Variants in USP48 observed in about 807,000 individuals in gnomAD.
The protein encoded by USP48 is ubiquitin specific peptidase 48.
A neutral mutation model predicts 150.7 loss-of-function variants in USP48; 43 were observed. The observed-to-expected ratio is 0.29, with a 90% CI of 0.22 to 0.37. The LOEUF is 0.37. Ranked by LOEUF, USP48 falls within the 10% of genes least tolerant of loss-of-function variation. The pLI, the probability that USP48 is intolerant of heterozygous loss-of-function variation, is 1.00. For missense variants in USP48, 813 were observed against 1,249.6 expected (o/e 0.65, Z 5.27); for synonymous variants, 396 against 425.9 (o/e 0.93, Z 0.86).
At chr1:21,772,518 G>A (rs2097884180) in intron 1 of USP48, among the ~76,000 whole-genome samples, 1 of 151,938 alleles carries the variant, frequency 6.6e-6, no homozygotes, top group Non-Finnish European at 1.5e-5. Context: ...AGCTACTTGG[G>A]AGGCTGAGGC....
intron 26 of USP48, 94 bp from the exon 27 acceptor site, chr1:21,679,533 C>T: frequency 2.7e-6 from 4 of 1,492,618 alleles, no homozygotes; most frequent in Admixed American, 1.7e-5. Flanking sequence ...CAACAGGGAG[C>T]ATCAAATTTA....
rs1421050691 is a variant in USP48 at position 21,723,871 on chromosome 1, T to C, written c.1648+27A>G. On this transcript the variant is annotated intron_variant, in intron 12 of 26. Coordinates refer to ENST00000308271, the MANE Select transcript of USP48 (RefSeq NM_032236.8). ...TGAAGATTTAATGAGCTGCTCTTTTTTAAACAGAGAGGACATCTTGAATTA... is the reference window on the plus strand; with the variant it reads ...TGAAGATTTAATGAGCTGCTCTTTTCTAAACAGAGAGGACATCTTGAATTA... 10 of 1,595,678 alleles carry C rather than the reference T, an allele frequency of 6.3e-6. No individual in the cohort carries two copies. The African/African-American group carries it at 1.2e-4, about 19-fold the overall frequency.
intron 6 of USP48, 121 bp from the exon 7 acceptor site, chr1:21,748,392 AC>A: frequency 1.1e-6 from 1 of 893,840 alleles, no homozygotes; most frequent in Non-Finnish European, 1.6e-6. Context: ...CTACTTAAAA[AC>A]AGCTACTATA....
At chr1:21,746,717 G>A (rs184973143) in intron 8 of USP48, among the ~76,000 whole-genome samples, 103 of 152,258 alleles carry the variant, frequency 6.8e-4, no homozygotes, top group African/African-American at 2.3e-3. Context: ...GAATAGAGGC[G>A]CTTGGAGACT....
intron 12 of USP48, among the ~76,000 whole-genome samples, chr1:21,722,078 T>TG (rs1474014031): frequency 6.6e-6 from 1 of 151,340 alleles, no homozygotes; most frequent in African/African-American, 2.4e-5. Context: ...GGTTCTAAGG[T>TG]GGGGGGGTTA....
Position 21,679,312 on chromosome 1 carries a change from C to T in USP48, c.*105G>A. ...ATGGATTTCTGCCTTTTGGAAGGGG[C>T]ATGTAATGGTTTAATTCTTAAATCC... is the stretch of plus-strand genomic sequence containing the variant. On this transcript the variant is annotated 3_prime_UTR_variant, in exon 27 of 27. Coordinates refer to ENST00000308271, the MANE Select transcript of USP48 (RefSeq NM_032236.8). 2 of 1,401,212 alleles carry T rather than the reference C, an allele frequency of 1.4e-6. No homozygotes were observed. The highest frequency in any genetic ancestry group is 2.3e-5 in the South Asian group (2 of 86,508). 86.8% of individuals were successfully genotyped at this position (1,401,212 alleles called of 1,614,324 possible). A position where few individuals can be genotyped will look rare whatever the true frequency, so the allele number is the denominator to read the frequency against.
At chr1:21,766,296 G>A (rs543293298) in intron 1 of USP48, among the ~76,000 whole-genome samples, 51 of 152,098 alleles carry the variant, frequency 3.4e-4, no homozygotes, top group African/African-American at 1.2e-3. Context: ...ACTTGAACCC[G>A]GGAGGCGGAG....
chr1:21,744,376 G>A (rs2097789079), intron 8 of USP48, among the ~76,000 whole-genome samples: 2 of 151,976 alleles, frequency 1.3e-5, no homozygotes, highest in Admixed American at 1.3e-4. Flanking sequence ...GAACCCAGGA[G>A]GTGGAGGCTG....
At chr1:21,699,575 G>A (rs934962738) in intron 22 of USP48, among the ~76,000 whole-genome samples, 18 of 150,756 alleles carry the variant, frequency 1.2e-4, no homozygotes, top group African/African-American at 1.7e-4. Context: ...GTGCAGTGGC[G>A]TGATCTCAGC....
intron 1 of USP48, among the ~76,000 whole-genome samples, chr1:21,759,327 G>A (rs910139241): frequency 6.6e-6 from 1 of 152,014 alleles, no homozygotes; most frequent in Non-Finnish European, 1.5e-5. Flanking sequence ...GGGTGTGACT[G>A]ACCAAAGTAA....
At chr1:21,770,403 AG>A (rs1229087179) in intron 1 of USP48, among the ~76,000 whole-genome samples, 2 of 152,002 alleles carry the variant, frequency 1.3e-5, no homozygotes, top group Non-Finnish European at 1.5e-5. Context: ...GGTGTCTTGA[AG>A]TGTTAGTAAT....
chr1:21,761,843 G>T (rs1165830495), intron 1 of USP48, among the ~76,000 whole-genome samples: 1 of 152,170 alleles, frequency 6.6e-6, no homozygotes, highest in Non-Finnish European at 1.5e-5. Flanking sequence ...TTATATCAAA[G>T]CTAGGAGGGA....
At chr1:21,685,614 C>T (rs780336825) in intron 25 of USP48, among the ~76,000 whole-genome samples, 8 of 152,156 alleles carry the variant, frequency 5.3e-5, no homozygotes, top group African/African-American at 7.2e-5. Flanking sequence ...TGCGCCCAGC[C>T]GCTTTCTTGA....
intron 22 of USP48, among the ~76,000 whole-genome samples, chr1:21,700,670 C>G (rs1018888677): frequency 2.0e-5 from 3 of 152,122 alleles, no homozygotes; most frequent in Non-Finnish European, 4.4e-5. Context: ...GTAGAAAATC[C>G]ATGAGTTTAA....
chr1:21,742,354 G>A (rs1057200984), intron 8 of USP48, among the ~76,000 whole-genome samples: 6 of 151,990 alleles, frequency 3.9e-5, no homozygotes, highest in Non-Finnish European at 7.4e-5. Context: ...GACCAGCCTG[G>A]CCAACATGGT....
At chr1:21,717,651 T>A (rs1455967061) in intron 14 of USP48, among the ~76,000 whole-genome samples, 1 of 152,000 alleles carries the variant, frequency 6.6e-6, no homozygotes, top group Admixed American at 6.6e-5. Context: ...ACTTCCTATA[T>A]CAGGCTGATA....
Position 21,783,095 on chromosome 1 carries a change from C to G in USP48, c.-138G>C. 1 of 1,254,522 alleles carries G rather than the reference C, an allele frequency of 8.0e-7. No homozygotes were observed. Among genetic ancestry groups the G allele is most frequent in the Non-Finnish European group, 1.0e-6 (1 of 975,570 alleles). 77.7% of individuals were successfully genotyped at this position (1,254,522 alleles called of 1,614,324 possible). A position where few individuals can be genotyped will look rare whatever the true frequency, so the allele number is the denominator to read the frequency against. On this transcript the variant is annotated 5_prime_UTR_variant, in exon 1 of 27. Coordinates refer to ENST00000308271, the MANE Select transcript of USP48 (RefSeq NM_032236.8). Reference sequence around the variant, plus strand: ...TTCAGGCAGCTGGCCAGTCAATCACCTGTGCGCGCCACTGCCGCCGCGCCC... The same window carrying G: ...TTCAGGCAGCTGGCCAGTCAATCACGTGTGCGCGCCACTGCCGCCGCGCCC...
Position 21,678,770 on chromosome 1 carries a change from T to C in USP48, c.*647A>G, listed in dbSNP as rs2097557678. 2 of 153,028 alleles carry C rather than the reference T, an allele frequency of 1.3e-5. No homozygotes were observed. Among genetic ancestry groups the C allele is most frequent in the South Asian group, 4.1e-4 (2 of 4,860 alleles). 9.5% of individuals were successfully genotyped at this position (153,028 alleles called of 1,614,324 possible). A position where few individuals can be genotyped will look rare whatever the true frequency, so the allele number is the denominator to read the frequency against. Reference sequence around the variant, plus strand: ...ACATGAGACATAATTCCTTGCTCATTGCAGGAGACATGCAGGTGCCCCCTC... The same window carrying C: ...ACATGAGACATAATTCCTTGCTCATCGCAGGAGACATGCAGGTGCCCCCTC... On this transcript the variant is annotated 3_prime_UTR_variant, in exon 27 of 27. Coordinates refer to ENST00000308271, the MANE Select transcript of USP48 (RefSeq NM_032236.8).
At chr1:21,762,759 A>C (rs1179296546) in intron 1 of USP48, among the ~76,000 whole-genome samples, 1 of 150,762 alleles carries the variant, frequency 6.6e-6, no homozygotes, top group Non-Finnish European at 1.5e-5. Context: ...CTGGCTACTC[A>C]GGAGGCTGAG....
Sources: allele counts gnomAD v4.1 joint callset (sites outside exome capture counted in the v4.1 genomes callset), GRCh38; gene constraint gnomAD v4.1.1; transcripts MANE v1.5; gene names NCBI Gene and HGNC (gene_info 2026-07-23, HGNC 2026-07-21).